CCDC63: variants seen among roughly 807,000 people sequenced by gnomAD.
CCDC63 encodes the protein coiled-coil domain-containing protein 63.
Under a neutral mutation model 63.6 loss-of-function variants are expected in CCDC63, and 54 were observed. The ratio of observed to expected loss-of-function variants is 0.85; its 90% CI spans 0.68 to 1.07. The LOEUF is 1.07. CCDC63 is among the 50% of genes least tolerant of loss of function. The probability of loss-of-function intolerance (pLI) is 0.00; values close to 1 mark genes in which losing one functional copy is unlikely to be tolerated. For synonymous variants in CCDC63, 253 were observed against 266.1 expected, an observed-to-expected ratio of 0.95 and a Z score of 0.48; for missense variants, 637 against 689.6, an observed-to-expected ratio of 0.92 and a Z score of 0.86.
At chr12:110,852,222 T>C (rs1489867346) in intron 1 of CCDC63, among the ~76,000 whole-genome samples, 1 of 152,106 alleles carries the variant, frequency 6.6e-6, no homozygotes, top group Non-Finnish European at 1.5e-5. Flanking sequence ...GTTGGGCACA[T>C]TTCTATTTAA....
intron 3 of CCDC63, among the ~76,000 whole-genome samples, chr12:110,854,739 G>A: frequency 6.6e-6 from 1 of 152,190 alleles, no homozygotes; most frequent in African/African-American, 2.4e-5. Flanking sequence ...ACTGTCCATT[G>A]TTAGAAAGGA....
At chr12:110,847,586 A>C (rs113065478) in intron 1 of CCDC63, among the ~76,000 whole-genome samples, 6,253 of 152,076 alleles carry the variant, frequency 0.041, 197 homozygotes, top group African/African-American at 0.077. Context: ...AAGTTCAACA[A>C]ATTTTTATTT....
In CCDC63 at chr12:110,871,227, C is replaced by T. The variant is rs182827458; in HGVS notation, c.370-2615C>T. 7.8e-3 allele frequency among the ~76,000 whole-genome samples: 1,180 copies of T among 151,930 alleles called. 19 individuals are homozygous for T. Among genetic ancestry groups the T allele is most frequent in the African/African-American group, 0.027 (1,136 of 41,412 alleles). On this transcript the variant is annotated intron_variant, in intron 4 of 11. Transcript: ENST00000308208. ...TGCAATCTTGGCTCACTGCAAGCTC[C>T]GCCTCCCGGGTTCATGCCATTCTCC...
chr12:110,867,261 C>T, intron 4 of CCDC63, among the ~76,000 whole-genome samples: 1 of 114,142 alleles, frequency 8.8e-6, no homozygotes, highest in African/African-American at 3.5e-5. Flanking sequence ...GGGCGGCTGG[C>T]CGGGCAGAGG....
At chr12:110,867,531 C>T (rs2070982274) in intron 4 of CCDC63, among the ~76,000 whole-genome samples, 4 of 123,168 alleles carry the variant, frequency 3.2e-5, no homozygotes, top group Admixed American at 7.7e-5. Flanking sequence ...GGGGGGCTGA[C>T]CCCCCCACCT....
chr12:110,866,189 G>C (rs1214638244), intron 4 of CCDC63, among the ~76,000 whole-genome samples: 1 of 152,128 alleles, frequency 6.6e-6, no homozygotes, highest in African/African-American at 2.4e-5. Context: ...TGTTGGCCAG[G>C]CTTGTCTTGA....
At position 110,899,099 on chromosome 12, in the gene CCDC63, C is replaced by G. The variant is rs758287561; in HGVS notation, c.1316C>G (p.Thr439Ser). 1 of 1,612,872 alleles carries G rather than the reference C, an allele frequency of 6.2e-7. No individual in the cohort carries two copies. The highest frequency in any genetic ancestry group is 1.7e-5 in the Admixed American group (1 of 59,816). The change falls in exon 10 of 12, where the codon ACT (threonine) becomes AGT (serine). Residue 439 changes from threonine to serine, a missense_variant. Transcript: ENST00000308208. The stretch of plus-strand genomic sequence containing the variant: ...CAGTTAGGGGAGACGGGGAAAGTCA[C>G]TGACATCAACCTTCCGCAGTATTTT... The part of the protein sequence containing the change: ...LVQLGETGKV[T>S]DINLPQYFAI...
At chr12:110,855,270 A>C (rs2070756351) in intron 3 of CCDC63, among the ~76,000 whole-genome samples, 2 of 152,200 alleles carry the variant, frequency 1.3e-5, no homozygotes, top group Admixed American at 1.3e-4. Context: ...TGTCTCCCAG[A>C]AAAGTGTAAT....
chr12:110,900,663 G>A (rs553928064), intron 10 of CCDC63, among the ~76,000 whole-genome samples: 10 of 150,966 alleles, frequency 6.6e-5, no homozygotes, highest in East Asian at 2.0e-4. Flanking sequence ...GCAGTGGCGC[G>A]ATCTCAGCTC....
chr12:110,892,435 A>G (rs2071368757), intron 8 of CCDC63, among the ~76,000 whole-genome samples: 1 of 152,082 alleles, frequency 6.6e-6, no homozygotes, highest in South Asian at 2.1e-4. Flanking sequence ...AAAGAAAAAA[A>G]AGAAAAATTA....
At chr12:110,904,897 C>T (rs971244978) in intron 11 of CCDC63, 106 bp downstream of exon 11, 39 of 861,044 alleles carry the variant, frequency 4.5e-5, no homozygotes, top group Non-Finnish European at 6.3e-5. Flanking sequence ...TGTTGAACCT[C>T]GGTTTCCTCT....
rs1275448567 is a variant in CCDC63 at position 110,860,121 on chromosome 12, A to T, written c.369+1346A>T. Among the ~76,000 whole-genome samples the T allele has an allele frequency of 7.9e-5, 12 of 152,220 alleles. 1 individual carries two copies. Among genetic ancestry groups the T allele is most frequent in the Admixed American group, 7.9e-4 (12 of 15,282 alleles). The stretch of plus-strand genomic sequence containing the variant: ...GGCATGAGCATGAGTAGGGACATTG[A>T]AACACTAGGGTTCGCAACAGCGGGG... On this transcript the variant is annotated intron_variant, in intron 4 of 11. Coordinates refer to ENST00000308208, the MANE Select transcript of CCDC63 (RefSeq NM_152591.3).
chr12:110,865,464 C>CAAAATAAAAAAAAA (rs2070930937), intron 4 of CCDC63, among the ~76,000 whole-genome samples: 1 of 102,370 alleles, frequency 9.8e-6, no homozygotes, highest in African/African-American at 3.5e-5. Flanking sequence ...CAGCATATAC[C>CAAAATAAAAAAAAA]AAAAAAAAAA....
chr12:110,882,634 C>T (rs1487559782), intron 7 of CCDC63, among the ~76,000 whole-genome samples: 2 of 151,886 alleles, frequency 1.3e-5, no homozygotes, highest in Admixed American at 6.6e-5. Flanking sequence ...TTACTGGGGG[C>T]TGGTCGTGTA....
chr12:110,886,970 C>A (rs1267989388), intron 8 of CCDC63, among the ~76,000 whole-genome samples: 3 of 152,174 alleles, frequency 2.0e-5, no homozygotes, highest in Admixed American at 2.0e-4. Flanking sequence ...GCATCTCCTG[C>A]ACAAGGACAA....
At chr12:110,847,628 A>G (rs958670869) in intron 1 of CCDC63, among the ~76,000 whole-genome samples, 1 of 152,160 alleles carries the variant, frequency 6.6e-6, no homozygotes, top group Non-Finnish European at 1.5e-5. Flanking sequence ...AAAACAAAAA[A>G]CAAAACAAAC....
intron 4 of CCDC63, among the ~76,000 whole-genome samples, chr12:110,872,855 G>T (rs1326985983): frequency 6.6e-6 from 1 of 152,046 alleles, no homozygotes; most frequent in African/African-American, 2.4e-5. Context: ...TCAAATTCCT[G>T]GTCTCAAGTG....
chr12:110,852,632 G>C (rs2070718213), intron 1 of CCDC63, among the ~76,000 whole-genome samples: 1 of 152,128 alleles, frequency 6.6e-6, no homozygotes, highest in Admixed American at 6.6e-5. Context: ...AGAACCATCT[G>C]CCCAGCTCCT....
At chr12:110,849,519 G>A (rs1224786305) in intron 1 of CCDC63, among the ~76,000 whole-genome samples, 1 of 112,838 alleles carries the variant, frequency 8.9e-6, no homozygotes. Context: ...TTTTTTTTGA[G>A]ATGGAGTCTT....
Sources: gnomAD v4.1 joint callset for allele counts (sites outside exome capture counted in the v4.1 genomes callset) on GRCh38, gnomAD v4.1.1 for gene constraint, MANE v1.5 for transcripts, NCBI Gene and HGNC (gene_info 2026-07-23, HGNC 2026-07-21) for gene names.